The following RNLS variants were observed in gnomAD, a reference collection of about 807,000 sequenced individuals.
RNLS encodes renalase, FAD dependent amine oxidase.
In RNLS, 39 loss-of-function variants were observed where a neutral mutation model predicts 39.8. That is an observed-to-expected ratio of 0.98 (90% CI 0.76 to 1.28). The LOEUF is 1.28. Among genes scored for constraint, RNLS ranks in the 50% most tolerant of loss-of-function variants. The pLI is 0.00. For synonymous variants in RNLS, 147 were observed against 150.7 expected (o/e 0.98, Z 0.18); for missense variants, 410 against 413.3 (o/e 0.99, Z 0.07).
intron 4 of RNLS, among the ~76,000 whole-genome samples, chr10:88,536,993 G>A (rs1166341055): frequency 1.3e-5 from 2 of 152,170 alleles, no homozygotes; most frequent in Admixed American, 6.5e-5. Flanking sequence ...ATGAATGAAT[G>A]AGCGAGTAGC....
At chr10:88,249,845 G>C in the RNLS span, among the ~76,000 whole-genome samples, 1 of 152,134 alleles carries the variant, frequency 6.6e-6, no homozygotes, top group African/African-American at 2.4e-5. Flanking sequence ...TGTAAGTTGC[G>C]ATAGTCCCAA....
intron 6 of RNLS, among the ~76,000 whole-genome samples, chr10:88,304,829 G>A (rs1289236199): frequency 6.6e-6 from 1 of 152,046 alleles, no homozygotes; most frequent in Non-Finnish European, 1.5e-5. Context: ...TTCAAAATCA[G>A]GAAATACAGA....
chr10:88,501,059 A>G (rs1407653029), intron 4 of RNLS, among the ~76,000 whole-genome samples: 5 of 151,882 alleles, frequency 3.3e-5, no homozygotes, highest in South Asian at 2.1e-4. Context: ...ACTAAACACC[A>G]TACCTAATTC....
chr10:88,287,831 A>G (rs1187648603), intron 6 of RNLS, among the ~76,000 whole-genome samples: 4 of 152,020 alleles, frequency 2.6e-5, no homozygotes, highest in African/African-American at 9.7e-5. Flanking sequence ...AACTGCCAAC[A>G]TGATCCAATC....
intron 4 of RNLS, among the ~76,000 whole-genome samples, chr10:88,447,648 GA>G (rs1266024701): frequency 6.6e-6 from 1 of 152,066 alleles, no homozygotes; most frequent in South Asian, 2.1e-4. Context: ...CACAGAATTG[GA>G]AAAAACTACT....
rs567788787 is a variant in RNLS, at chr10:88,573,966, C to A, written c.368-905G>T. ...GACCAGCCTGGCCAACATGGTGAAA[C>A]CCCATCTCTACTAAAAATACAAAAA... On this transcript the variant is annotated intron_variant, in intron 3 of 6. Transcript: ENST00000331772. Among the ~76,000 whole-genome samples, 17 of 152,152 alleles carry A rather than the reference C, an allele frequency of 1.1e-4. No individual in the cohort carries two copies. In the South Asian group the frequency reaches 3.5e-3, roughly 32 times the overall value.
downstream of RNLS, among the ~76,000 whole-genome samples, chr10:88,282,902 A>G (rs1843075077): frequency 6.6e-6 from 1 of 152,164 alleles, no homozygotes; most frequent in Admixed American, 6.6e-5. Flanking sequence ...CAAGTATTAA[A>G]TCACCCCACT....
chr10:88,264,004 T>C, the RNLS span, among the ~76,000 whole-genome samples: 1 of 152,164 alleles, frequency 6.6e-6, no homozygotes, highest in Non-Finnish European at 1.5e-5. Flanking sequence ...CCAAAGTCCA[T>C]TGTATCATTC....
chr10:88,443,541 G>A (rs1841852011), intron 4 of RNLS, among the ~76,000 whole-genome samples: 2 of 152,336 alleles, frequency 1.3e-5, no homozygotes, highest in Non-Finnish European at 1.5e-5. Flanking sequence ...GAAGTGCAAG[G>A]GGTCAGGGAA....
intron 4 of RNLS, among the ~76,000 whole-genome samples, chr10:88,553,440 C>A (rs1373089856): frequency 6.6e-6 from 1 of 152,136 alleles, no homozygotes; most frequent in Non-Finnish European, 1.5e-5. Context: ...ATCACAAGTA[C>A]TGTCAGGCTT....
At chr10:88,400,326 C>T (rs1852836463) in intron 4 of RNLS, among the ~76,000 whole-genome samples, 1 of 151,918 alleles carries the variant, frequency 6.6e-6, no homozygotes, top group African/African-American at 2.4e-5. Context: ...CTTTGATCTC[C>T]CTTTGTAGCT....
At chr10:88,223,812 T>C in the RNLS span, among the ~76,000 whole-genome samples, 1 of 152,148 alleles carries the variant, frequency 6.6e-6, no homozygotes, top group Non-Finnish European at 1.5e-5. Context: ...GTTATCATGT[T>C]TGCACACTCG....
At chr10:88,364,456 GA>G (rs1458748617) in intron 4 of RNLS, among the ~76,000 whole-genome samples, 1 of 152,086 alleles carries the variant, frequency 6.6e-6, no homozygotes, top group African/African-American at 2.4e-5. Context: ...ACATCCCCAG[GA>G]AGGTGAGATT....
the RNLS span, among the ~76,000 whole-genome samples, chr10:88,224,310 A>C: frequency 0.48 from 72,617 of 152,002 alleles, 17,401 homozygotes; most frequent in East Asian, 0.56. Flanking sequence ...TTTCATCTTA[A>C]CCACCTCCTA....
At chr10:88,351,068 T>G (rs1307154007) in intron 5 of RNLS, among the ~76,000 whole-genome samples, 2 of 152,202 alleles carry the variant, frequency 1.3e-5, no homozygotes, top group Non-Finnish European at 2.9e-5. Context: ...CGCCCACTTG[T>G]TGGTGGGGTT....
rs933365623 is a variant in RNLS at position 88,472,307 on chromosome 10, G to C, written c.526+100596C>G. ...AGGAAATTAAGGGGAAAAGTAGGTT[G>C]AGTCAAATCATGAAGAGTCTTAAAT... On this transcript the variant is annotated intron_variant, in intron 4 of 6. Transcript: ENST00000331772. Among the ~76,000 whole-genome samples the C allele has an allele frequency of 1.7e-4, 26 of 152,318 alleles. No homozygotes were observed. The South Asian group carries it at 3.7e-3, about 22-fold the overall frequency.
the RNLS span, among the ~76,000 whole-genome samples, chr10:88,212,097 T>C: frequency 6.6e-6 from 1 of 152,214 alleles, no homozygotes; most frequent in Admixed American, 6.6e-5. Context: ...TCTACCCACA[T>C]TGATGTCATC....
intron 4 of RNLS, among the ~76,000 whole-genome samples, chr10:88,489,429 C>A (rs560777925): frequency 7.1e-4 from 108 of 152,282 alleles, no homozygotes; most frequent in African/African-American, 2.5e-3. Context: ...GGTACTCGGA[C>A]CCTAGCAATA....
the RNLS span, among the ~76,000 whole-genome samples, chr10:88,178,902 C>T: frequency 6.6e-6 from 1 of 152,194 alleles, no homozygotes; most frequent in East Asian, 1.9e-4. Context: ...TAGACAAAGC[C>T]ACTACTCTTC....
Sources: allele counts gnomAD v4.1 joint callset (sites outside exome capture counted in the v4.1 genomes callset), GRCh38; gene constraint gnomAD v4.1.1; transcripts MANE v1.5; gene names NCBI Gene and HGNC (gene_info 2026-07-23, HGNC 2026-07-21).